KLC1: variants seen among roughly 807,000 people sequenced by gnomAD.
KLC1 encodes the protein kinesin light chain 1, also known as kinesin 2 60/70kDa.
KLC1 carries 30 observed loss-of-function variants against 84.2 expected under a neutral mutation model. The ratio of observed to expected loss-of-function variants is 0.36; its 90% confidence interval spans 0.27 to 0.48. KLC1 has a LOEUF of 0.48. KLC1 is among the 20% of genes least tolerant of loss of function. The pLI, the probability that KLC1 is intolerant of heterozygous loss-of-function variation, is 0.99. For synonymous variants in KLC1, 289 were observed against 293.3 expected (o/e 0.99, Z 0.15); for missense variants, 499 against 805.4 (o/e 0.62, Z 4.60).
chr14:103,654,196 G>C (rs961073208), intron 1 of KLC1, among the ~76,000 whole-genome samples: 1 of 152,184 alleles, frequency 6.6e-6, no homozygotes, highest in African/African-American at 2.4e-5. Flanking sequence ...TACCAAGAAT[G>C]TAGTGTTCTT....
chr14:103,687,294 A>G, intron 14 of KLC1, 83 bp downstream of exon 14: 3 of 1,352,560 alleles, frequency 2.2e-6, no homozygotes, highest in Non-Finnish European at 3.0e-6. Flanking sequence ...TTCCTCACCC[A>G]CAGACTTGAG....
chr14:103,683,506 A>T (rs1267096012), intron 13 of KLC1: 1 of 152,122 alleles, frequency 6.6e-6, no homozygotes, highest in Non-Finnish European at 1.5e-5. Flanking sequence ...GTGTGGCTTC[A>T]TGTTCATGGT....
In KLC1 at chr14:103,685,085, C is replaced by T. The variant is rs1460343470; in HGVS notation, c.1651-1996C>T. 1.2e-5 allele frequency: 18 copies of T among 1,536,960 alleles called. No homozygotes were observed. The East Asian group carries it at 1.2e-4, about 10-fold the overall frequency. On this transcript the variant is annotated intron_variant, in intron 13 of 16. Transcript: ENST00000334553. Reference sequence around the variant, plus strand: ...AGGCCCTGCCGTCTGGCGCTTCTGTCGAGACGTCGGCTTTCCAACCTGGCA... The same window carrying T: ...AGGCCCTGCCGTCTGGCGCTTCTGTTGAGACGTCGGCTTTCCAACCTGGCA...
In KLC1 at chr14:103,692,257, CAGTGTCACAGAGGCGTTGGAGGG is replaced by C; in HGVS notation, c.1782-101_1782-79del. Reference sequence around the variant, plus strand: ...ATGAAGGCAAGGTCCCTAGAGCCCCCAGTGTCACAGAGGCGTTGGAGGGGGCTTTGCTTGTGCTTCCTGTTGCT... The same window carrying C: ...ATGAAGGCAAGGTCCCTAGAGCCCCCGGCTTTGCTTGTGCTTCCTGTTGCT... On this transcript the variant is annotated intron_variant, in intron 14 of 16. Coordinates refer to ENST00000334553, the MANE Select transcript of KLC1 (RefSeq NM_001394837.1). 10 of 1,039,966 alleles carry C rather than the reference CAGTGTCACAGAGGCGTTGGAGGG, an allele frequency of 9.6e-6. 1 individual carries two copies. In the South Asian group the frequency reaches 1.4e-4, roughly 15 times the overall value. The allele number at this position is 1,039,966 out of a possible 1,614,324, so 64.4% of individuals were successfully genotyped here.
chr14:103,691,155 C>CT (rs11384297), intron 14 of KLC1, among the ~76,000 whole-genome samples: 104,565 of 129,390 alleles, frequency 0.81, 43,611 homozygotes, highest in East Asian at 0.91. Flanking sequence ...GTTCCCCCCA[C>CT]TTTTTTTTTT....
At chr14:103,632,300 C>T (rs2076745551) in intron 1 of KLC1, among the ~76,000 whole-genome samples, 1 of 151,794 alleles carries the variant, frequency 6.6e-6, no homozygotes, top group African/African-American at 2.4e-5. Context: ...GTGGTGCACA[C>T]CTGTAATTCC....
chr14:103,699,601 A>G (rs780140250), intron 15 of KLC1: 17 of 1,612,032 alleles, frequency 1.1e-5, no homozygotes, highest in African/African-American at 1.3e-5. Flanking sequence ...GTCATTGTCT[A>G]TGCTGGTCAG....
chr14:103,699,616 TC>T (rs779960012), intron 15 of KLC1: 8 of 1,604,830 alleles, frequency 5.0e-6, no homozygotes, highest in Non-Finnish European at 6.0e-6. Flanking sequence ...GGTCAGCAAG[TC>T]CCCGCCCCAG....
intron 1 of KLC1, among the ~76,000 whole-genome samples, chr14:103,649,562 CAAAAAA>C (rs35297746): frequency 2.6e-5 from 2 of 75,772 alleles, no homozygotes; most frequent in Admixed American, 1.5e-4. Flanking sequence ...GACCTCATCT[CAAAAAA>C]AAAAAAAAAA....
intron 1 of KLC1, among the ~76,000 whole-genome samples, chr14:103,650,734 A>G (rs1299255888): frequency 2.6e-5 from 4 of 151,712 alleles, no homozygotes; most frequent in African/African-American, 9.7e-5. Flanking sequence ...ACCTGCCACC[A>G]CGCCTGGCTA....
At chr14:103,630,338 G>C (rs1251123957) in intron 1 of KLC1, among the ~76,000 whole-genome samples, 2 of 152,198 alleles carry the variant, frequency 1.3e-5, no homozygotes, top group Non-Finnish European at 2.9e-5. Flanking sequence ...ATTTGTATTA[G>C]AATTGTTGCT....
chr14:103,676,302 C>G (rs1481499034), intron 11 of KLC1, among the ~76,000 whole-genome samples: 1 of 151,906 alleles, frequency 6.6e-6, no homozygotes, highest in Non-Finnish European at 1.5e-5. Flanking sequence ...GAGTTTCGCT[C>G]TTGTCTCCCA....
intron 15 of KLC1, chr14:103,699,084 T>G: frequency 6.4e-7 from 1 of 1,565,062 alleles, no homozygotes; most frequent in Non-Finnish European, 8.7e-7. Context: ...GGCCCAGCTG[T>G]GCCCCTGGCA....
intron 15 of KLC1, chr14:103,695,403 G>T: frequency 1.0e-6 from 1 of 982,676 alleles, no homozygotes; most frequent in Non-Finnish European, 1.2e-6. Flanking sequence ...GTTGTGAGAA[G>T]CCAACCCCCC....
chr14:103,655,029 C>A (rs1193967981), intron 2 of KLC1, among the ~76,000 whole-genome samples: 1 of 152,014 alleles, frequency 6.6e-6, no homozygotes, highest in Non-Finnish European at 1.5e-5. Flanking sequence ...GAGTTTGAGA[C>A]CAGCCTGGCC....
At position 103,693,005 on chromosome 14, in the gene KLC1, G is replaced by A. The variant is rs747513995; in HGVS notation, c.1848+580G>A. The stretch of plus-strand genomic sequence containing the variant: ...GAGTTTTCATCCACTCCGCCCTTTG[G>A]TGTGGCTGTCAGTGGGTGGCCGGGT... On this transcript the variant is annotated intron_variant, in intron 15 of 16. Transcript: ENST00000334553. The surrounding 1 kb of genome is among the most constrained non-coding windows in gnomAD (Gnocchi z 5.1). Among the ~76,000 whole-genome samples the A allele has an allele frequency of 3.9e-5, 6 of 152,324 alleles. No individual in the cohort carries two copies. The highest frequency in any genetic ancestry group is 3.4e-3 in the Middle Eastern group (1 of 294).
At chr14:103,652,790 C>T (rs1367734551) in intron 1 of KLC1, among the ~76,000 whole-genome samples, 2 of 152,142 alleles carry the variant, frequency 1.3e-5, no homozygotes, top group East Asian at 1.9e-4. Context: ...CGTGCCCGGT[C>T]GGCGTTTGTT....
In KLC1 at chr14:103,694,564, T is replaced by C. The variant is rs1409504814; in HGVS notation, c.1848+2139T>C. 1.0e-6 allele frequency: 1 copy of C among 985,338 alleles called. No individual in the cohort carries two copies. Among genetic ancestry groups the C allele is most frequent in the Non-Finnish European group, 1.2e-6 (1 of 829,960 alleles). The allele number at this position is 985,338 out of a possible 1,614,324, so 61.0% of individuals were successfully genotyped here. On this transcript the variant is annotated intron_variant, in intron 15 of 16. Coordinates refer to ENST00000334553, the MANE Select transcript of KLC1 (RefSeq NM_001394837.1). This position sits in a 1 kb window ranked among gnomAD's most constrained non-coding sequence, Gnocchi z 4.5. ...TATTTCTTAGCCGTCCACAAACTAG[T>C]CCATAGGTAAAGAGCATACAAAACA... is the stretch of plus-strand genomic sequence containing the variant.
In KLC1 at chr14:103,693,854, G is replaced by A; in HGVS notation, c.1848+1429G>A. ...GCCACCCCGACCGCGACCCGGCCAGGCTGGCTCAGGGAGGCCGAGGTGGCG... is the reference window on the plus strand; with the variant it reads ...GCCACCCCGACCGCGACCCGGCCAGACTGGCTCAGGGAGGCCGAGGTGGCG... On this transcript the variant is annotated intron_variant, in intron 15 of 16. Coordinates refer to ENST00000334553, the MANE Select transcript of KLC1 (RefSeq NM_001394837.1). This position sits in a 1 kb window ranked among gnomAD's most constrained non-coding sequence, Gnocchi z 5.1. 3 of 1,377,290 alleles carry A rather than the reference G, an allele frequency of 2.2e-6. No homozygotes were observed. Among genetic ancestry groups the A allele is most frequent in the Non-Finnish European group, 2.8e-6 (3 of 1,067,966 alleles). The allele number at this position is 1,377,290 out of a possible 1,614,324, so 85.3% of individuals were successfully genotyped here.
Sources: gnomAD v4.1 joint callset for allele counts (sites outside exome capture counted in the v4.1 genomes callset) on GRCh38, gnomAD v4.1.1 for gene constraint, Gnocchi (gnomAD v3.1) non-coding constraint, MANE v1.5 for transcripts, NCBI Gene and HGNC (gene_info 2026-07-23, HGNC 2026-07-21) for gene names.